The following SNX31 variants were observed in gnomAD, a reference collection of about 807,000 sequenced individuals.
The protein encoded by SNX31 is sorting nexin-31.
A neutral mutation model predicts 65.4 loss-of-function variants in SNX31; 58 were observed. The observed-to-expected ratio is 0.89, with a 90% confidence interval of 0.72 to 1.10. The LOEUF is 1.10. SNX31 is among the 50% of genes least tolerant of loss of function. The pLI, the probability that SNX31 is intolerant of heterozygous loss-of-function variation, is 0.00. For synonymous variants in SNX31, 181 were observed against 190.1 expected, an observed-to-expected ratio of 0.95 and a Z score of 0.39; for missense variants, 523 against 529.7, an observed-to-expected ratio of 0.99 and a Z score of 0.12.
At position 100,635,988 on chromosome 8, in the gene SNX31, G is replaced by C. The variant is rs370204557; in HGVS notation, c.165C>G (p.Cys55Trp). ...AGTACTTTGGTGGGAAGGGTGGCAGGCAATTTCCAAAGACCCGCCTTAGCT... is the reference window on the plus strand; with the variant it reads ...AGTACTTTGGTGGGAAGGGTGGCAGCCAATTTCCAAAGACCCGCCTTAGCT... ...NEQLRRVFGN[C>W]LPPFPPKYYL... The change falls in exon 3 of 14, where the codon TGC (cysteine) becomes TGG (tryptophan). Residue 55 changes from cysteine (C) to tryptophan (W), a missense_variant. Coordinates refer to ENST00000311812, the MANE Select transcript of SNX31 (RefSeq NM_152628.4). 8.1e-6 allele frequency: 13 copies of C among 1,614,086 alleles called. No individual in the cohort carries two copies. The highest frequency in any genetic ancestry group is 3.3e-5 in the South Asian group (3 of 91,078).
chr8:100,651,567 G>C (rs1819975087), upstream of SNX31, among the ~76,000 whole-genome samples: 2 of 152,194 alleles, frequency 1.3e-5, no homozygotes, highest in African/African-American at 2.4e-5. Context: ...TTGCATCCCT[G>C]ACCTCTGCTG....
In SNX31 at chr8:100,626,641, C is replaced by G. The variant is rs1818062069; in HGVS notation, c.321+3686G>C. On this transcript the variant is annotated intron_variant, in intron 4 of 13. Transcript: ENST00000311812. The surrounding 1 kb of genome is among the most constrained non-coding windows in gnomAD (Gnocchi z 4.4). ...GCAAACAGCTAGCTCACAACAGCAG[C>G]CTGTTTCAAAGTTGATTGATGACTT... Among the ~76,000 whole-genome samples, 1 of 152,120 alleles carries G rather than the reference C, an allele frequency of 6.6e-6. No homozygotes were observed. Among genetic ancestry groups the G allele is most frequent in the African/African-American group, 2.4e-5 (1 of 41,424 alleles).
rs371220967 is a variant in SNX31 at position 100,576,705 on chromosome 8, G to T, written c.1227+314C>A. 6.6e-6 allele frequency among the ~76,000 whole-genome samples: 1 copy of T among 152,188 alleles called. No individual in the cohort carries two copies. Among genetic ancestry groups the T allele is most frequent in the African/African-American group, 2.4e-5 (1 of 41,522 alleles). ...AAAACTATGAGACCAAAATATACTA[G>T]ATATGTAACATATACAAATTAGAAA... On this transcript the variant is annotated intron_variant, in intron 13 of 13. Transcript: ENST00000311812. The surrounding 1 kb of genome is among the most constrained non-coding windows in gnomAD (Gnocchi z 4.8).
chr8:100,579,911 G>A (rs1813348064), intron 12 of SNX31, among the ~76,000 whole-genome samples: 1 of 152,190 alleles, frequency 6.6e-6, no homozygotes, highest in African/African-American at 2.4e-5. Flanking sequence ...TGTAATCTCA[G>A]CACTTCGGGA....
In SNX31 at chr8:100,573,974, A is replaced by C. The variant is rs772372255; in HGVS notation, c.1228-14T>G. 7 of 1,405,596 alleles carry C rather than the reference A, an allele frequency of 5.0e-6. No homozygotes were observed. The East Asian group carries it at 1.4e-4, about 29-fold the overall frequency. 87.1% of individuals were successfully genotyped at this position (1,405,596 alleles called of 1,614,324 possible). On this transcript the variant is annotated splice_polypyrimidine_tract_variant and intron_variant, in intron 13 of 13. Transcript: ENST00000311812. ...ATAGTCTTTCTGCTGTGAAGTAAAC[A>C]GAGAGGTCAGAAATGTAAATGAAAG...
Position 100,648,179 on chromosome 8 carries a change from C to G in SNX31, c.141+1095G>C, listed in dbSNP as rs573110218. Reference sequence around the variant, plus strand: ...TAGCAGAAAAAACAAACTAAGCTGTCGGTCAACAGAAGATGGTTAAATGAA... The same window carrying G: ...TAGCAGAAAAAACAAACTAAGCTGTGGGTCAACAGAAGATGGTTAAATGAA... On this transcript the variant is annotated intron_variant, in intron 2 of 13. Coordinates refer to ENST00000311812, the MANE Select transcript of SNX31 (RefSeq NM_152628.4). The surrounding 1 kb of genome is among the most constrained non-coding windows in gnomAD (Gnocchi z 4.3). Among the ~76,000 whole-genome samples the G allele has an allele frequency of 6.6e-6, 1 of 152,120 alleles. No homozygotes were observed. The highest frequency in any genetic ancestry group is 2.4e-5 in the African/African-American group (1 of 41,428).
At position 100,614,703 on chromosome 8, in the gene SNX31, C is replaced by T. The variant is rs921452435; in HGVS notation, c.433-1618G>A. 3.3e-5 allele frequency among the ~76,000 whole-genome samples: 5 copies of T among 152,038 alleles called. No individual in the cohort carries two copies. Among genetic ancestry groups the T allele is most frequent in the African/African-American group, 1.2e-4 (5 of 41,404 alleles). ...CAGCCTGGCCAACATAGTGAAACCC[C>T]ATCTCTACTTAAAAAAAAATACAAA... On this transcript the variant is annotated intron_variant, in intron 5 of 13. Transcript: ENST00000311812. The surrounding 1 kb of genome is among the most constrained non-coding windows in gnomAD (Gnocchi z 5.1).
rs546364000 is a variant in SNX31 at position 100,638,902 on chromosome 8, C to T, written c.142-2891G>A. ...AAATAAGATATCAAAACACAAAAGACATGAAAGAAACGTAAATAAATATTG... is the reference window on the plus strand; with the variant it reads ...AAATAAGATATCAAAACACAAAAGATATGAAAGAAACGTAAATAAATATTG... On this transcript the variant is annotated intron_variant, in intron 2 of 13. Transcript: ENST00000311812. Among the ~76,000 whole-genome samples the T allele has an allele frequency of 6.6e-5, 10 of 152,228 alleles. No homozygotes were observed. In the South Asian group the frequency reaches 1.9e-3, roughly 28 times the overall value.
At chr8:100,658,023 C>A (rs1587115375) in intron 1 of SNX31, among the ~76,000 whole-genome samples, 1 of 152,286 alleles carries the variant, frequency 6.6e-6, no homozygotes, top group East Asian at 1.9e-4. Context: ...TTCAGCCCAG[C>A]CTGGACTGAC....
At position 100,613,682 on chromosome 8, in the gene SNX31, A is replaced by T. The variant is rs149646173; in HGVS notation, c.433-597T>A. Among the ~76,000 whole-genome samples, 2 of 152,182 alleles carry T rather than the reference A, an allele frequency of 1.3e-5. No individual in the cohort carries two copies. Among genetic ancestry groups the T allele is most frequent in the Admixed American group, 1.3e-4 (2 of 15,262 alleles). On this transcript the variant is annotated intron_variant, in intron 5 of 13. Coordinates refer to ENST00000311812, the MANE Select transcript of SNX31 (RefSeq NM_152628.4). This position sits in a 1 kb window ranked among gnomAD's most constrained non-coding sequence, Gnocchi z 5.2. Reference sequence around the variant, plus strand: ...CCAGGCACAGGTTGCCTTCCTTCACATTCCTCTTTGACTTATATCAAACAG... The same window carrying T: ...CCAGGCACAGGTTGCCTTCCTTCACTTTCCTCTTTGACTTATATCAAACAG...
chr8:100,649,430 A>C lies in SNX31; in HGVS notation c.66+19T>G. The C allele has an allele frequency of 7.8e-7, 1 of 1,275,992 alleles. No homozygotes were observed. The highest frequency in any genetic ancestry group is 1.1e-6 in the Non-Finnish European group (1 of 906,662). The allele number at this position is 1,275,992 out of a possible 1,614,324, so 79.0% of individuals were successfully genotyped here. On this transcript the variant is annotated intron_variant, in intron 1 of 13. Transcript: ENST00000311812. ...ACCGGCCCCCTCCCTGCCCACCCTG[A>C]CCCCAGCCCTGGGCGCACCACGTAG...
At chr8:100,616,317 G>T (rs1328331952) in intron 5 of SNX31, among the ~76,000 whole-genome samples, 9 of 152,180 alleles carry the variant, frequency 5.9e-5, no homozygotes, top group Admixed American at 5.9e-4. Context: ...AAAAAAAGAA[G>T]TCAATGATGA....
rs1385925526 is a variant in SNX31, at chr8:100,648,020, C to T, written c.141+1254G>A. Among the ~76,000 whole-genome samples, 2 of 152,174 alleles carry T rather than the reference C, an allele frequency of 1.3e-5. No homozygotes were observed. The highest frequency in any genetic ancestry group is 2.9e-5 in the Non-Finnish European group (2 of 68,032). On this transcript the variant is annotated intron_variant, in intron 2 of 13. Coordinates refer to ENST00000311812, the MANE Select transcript of SNX31 (RefSeq NM_152628.4). The surrounding 1 kb of genome is among the most constrained non-coding windows in gnomAD (Gnocchi z 4.3). ...ACAGCACTAGTAATACAAAGATGAC[C>T]ACTCAAATTAACTAGTAACCACATT...
At position 100,612,001 on chromosome 8, in the gene SNX31, A is replaced by G. The variant is rs755103755; in HGVS notation, c.610T>C (p.Trp204Arg). 1 of 1,613,416 alleles carries G rather than the reference A, an allele frequency of 6.2e-7. No individual in the cohort carries two copies. Among genetic ancestry groups the G allele is most frequent in the East Asian group, 2.2e-5 (1 of 44,886 alleles). Residue 204 changes from tryptophan (W) to arginine (R), a missense_variant and splice_region_variant, in exon 7 of 14, where the codon TGG (tryptophan) becomes CGG (arginine). Trp to Arg is a moderately radical substitution (Grantham distance 101, BLOSUM62 -3). Coordinates refer to ENST00000311812, the MANE Select transcript of SNX31 (RefSeq NM_152628.4). The surrounding 1 kb of genome is among the most constrained non-coding windows in gnomAD (Gnocchi z 4.3). ...VENCKVGLRK[W>R]YMAPSLDSVL... Reference sequence around the variant, plus strand: ...CTGTCACTTTCAGAACCTACTTACCACTTTCGGAGTCCAACCTTACAGTTT... The same window carrying G: ...CTGTCACTTTCAGAACCTACTTACCGCTTTCGGAGTCCAACCTTACAGTTT...
At position 100,626,391 on chromosome 8, in the gene SNX31, A is replaced by T. The variant is rs1818043604; in HGVS notation, c.321+3936T>A. 6.6e-6 allele frequency among the ~76,000 whole-genome samples: 1 copy of T among 152,312 alleles called. No individual in the cohort carries two copies. The highest frequency in any genetic ancestry group is 2.1e-4 in the South Asian group (1 of 4,824). ...ATCTCACTACTTAGCCTGAACTCTTAACCCCTAGACCAGGTCGGGGGCTGC... is the reference window on the plus strand; with the variant it reads ...ATCTCACTACTTAGCCTGAACTCTTTACCCCTAGACCAGGTCGGGGGCTGC... On this transcript the variant is annotated intron_variant, in intron 4 of 13. Transcript: ENST00000311812. The surrounding 1 kb of genome is among the most constrained non-coding windows in gnomAD (Gnocchi z 4.4).
At chr8:100,635,455 G>T (rs1481033534) in intron 3 of SNX31, among the ~76,000 whole-genome samples, 1 of 149,572 alleles carries the variant, frequency 6.7e-6, no homozygotes, top group Non-Finnish European at 1.5e-5. Context: ...TGCTCAGGCT[G>T]GTCTTGAACT....
chr8:100,605,710 T>A (rs1816089029), intron 8 of SNX31, among the ~76,000 whole-genome samples: 1 of 152,100 alleles, frequency 6.6e-6, no homozygotes, highest in African/African-American at 2.4e-5. Context: ...TGAAGCCACG[T>A]TTTTTTAGCT....
intron 4 of SNX31, among the ~76,000 whole-genome samples, chr8:100,624,002 G>C (rs555173154): frequency 7.9e-5 from 12 of 151,982 alleles, no homozygotes; most frequent in Non-Finnish European, 1.6e-4. Flanking sequence ...CTCCAGTTGG[G>C]GGGGAGGTGG....
chr8:100,595,288 G>T (rs1376687784), intron 10 of SNX31, among the ~76,000 whole-genome samples: 3 of 151,704 alleles, frequency 2.0e-5, no homozygotes, highest in African/African-American at 7.3e-5. Flanking sequence ...ACCAAGCTGT[G>T]AGTGCGGAGA....
Sources: allele counts gnomAD v4.1 joint callset (sites outside exome capture counted in the v4.1 genomes callset), GRCh38; gene constraint gnomAD v4.1.1; non-coding constraint Gnocchi (gnomAD v3.1); transcripts MANE v1.5; gene names NCBI Gene and HGNC (gene_info 2026-07-23, HGNC 2026-07-21).